The following SAMD12 variants were observed in gnomAD, a reference collection of about 807,000 sequenced individuals.
The protein encoded by SAMD12 is sterile alpha motif domain-containing protein 12.
Under a neutral mutation model 15.0 loss-of-function variants are expected in SAMD12, and 9 were observed. The ratio of observed to expected loss-of-function variants is 0.60; its 90% CI spans 0.36 to 1.05. The LOEUF is 1.05. SAMD12 is among the 50% of genes least tolerant of loss of function. The pLI is 0.01. For missense variants in SAMD12, 230 were observed against 234.2 expected, an observed-to-expected ratio of 0.98 and a Z score of 0.12; for synonymous variants, 86 against 90.1, an observed-to-expected ratio of 0.96 and a Z score of 0.25.
chr8:118,510,229 T>C (rs550362215), intron 2 of SAMD12, among the ~76,000 whole-genome samples: 3 of 151,008 alleles, frequency 2.0e-5, no homozygotes, highest in East Asian at 2.0e-4. Flanking sequence ...CACACACACA[T>C]ACACACAAAC....
At chr8:118,172,144 T>C in the SAMD12 span, among the ~76,000 whole-genome samples, 2 of 152,246 alleles carry the variant, frequency 1.3e-5, no homozygotes, top group African/African-American at 2.4e-5. Context: ...TTAGGAGATA[T>C]ACCTAATGTA....
At chr8:118,483,043 T>C (rs1428058220) in intron 2 of SAMD12, among the ~76,000 whole-genome samples, 1 of 152,166 alleles carries the variant, frequency 6.6e-6, no homozygotes, top group Non-Finnish European at 1.5e-5. Flanking sequence ...TCCATCTCAA[T>C]CTAAAAAAAT....
At chr8:118,452,525 A>T (rs1193314374) in intron 2 of SAMD12, among the ~76,000 whole-genome samples, 1 of 152,208 alleles carries the variant, frequency 6.6e-6, no homozygotes, top group Non-Finnish European at 1.5e-5. Context: ...ACTTTTATTT[A>T]TATAAACTTT....
At chr8:118,300,723 A>G (rs1476216559) in intron 4 of SAMD12, among the ~76,000 whole-genome samples, 1 of 152,216 alleles carries the variant, frequency 6.6e-6, no homozygotes, top group Non-Finnish European at 1.5e-5. Flanking sequence ...TTAGAGTTAA[A>G]GAACTACCAG....
At chr8:118,309,831 A>G (rs996205576) in intron 4 of SAMD12, among the ~76,000 whole-genome samples, 1 of 152,166 alleles carries the variant, frequency 6.6e-6, no homozygotes, top group Non-Finnish European at 1.5e-5. Flanking sequence ...TGTTGCCACA[A>G]TTTATGCTCA....
chr8:118,487,031 C>A (rs1478880139), intron 2 of SAMD12, among the ~76,000 whole-genome samples: 1 of 152,126 alleles, frequency 6.6e-6, no homozygotes, highest in East Asian at 1.9e-4. Flanking sequence ...AGTCAGAGGG[C>A]AGGGAAGTGT....
chr8:118,161,142 C>T, the SAMD12 span, among the ~76,000 whole-genome samples: 1 of 152,254 alleles, frequency 6.6e-6, no homozygotes, highest in East Asian at 1.9e-4. Context: ...TTTATGGCTG[C>T]ATAGTATTCC....
intron 2 of SAMD12, among the ~76,000 whole-genome samples, chr8:118,525,207 T>C (rs530890561): frequency 2.0e-5 from 3 of 152,288 alleles, no homozygotes; most frequent in African/African-American, 7.2e-5. Flanking sequence ...TCTGTTGTGA[T>C]GATTTCTCTC....
chr8:118,423,588 A>G (rs1822111860), intron 3 of SAMD12, among the ~76,000 whole-genome samples: 2 of 152,170 alleles, frequency 1.3e-5, no homozygotes, highest in African/African-American at 2.4e-5. Context: ...TTAGGGTTAT[A>G]AGCATGTCCA....
chr8:118,568,491 C>T (rs1563588792), intron 2 of SAMD12, among the ~76,000 whole-genome samples: 2 of 152,146 alleles, frequency 1.3e-5, no homozygotes, highest in Non-Finnish European at 2.9e-5. Context: ...CTGACTCACA[C>T]ATTAACAAGA....
intron 4 of SAMD12, among the ~76,000 whole-genome samples, chr8:118,339,862 A>G (rs1312435113): frequency 6.6e-6 from 1 of 152,218 alleles, no homozygotes; most frequent in Admixed American, 6.5e-5. Context: ...TCATCTGGGT[A>G]TGGGTGTGAA....
At chr8:118,393,744 A>G (rs182710359) in intron 3 of SAMD12, among the ~76,000 whole-genome samples, 1 of 151,952 alleles carries the variant, frequency 6.6e-6, no homozygotes, top group East Asian at 1.9e-4. Flanking sequence ...GATTACAAGC[A>G]CCCATTATCA....
intron 4 of SAMD12, among the ~76,000 whole-genome samples, chr8:118,261,145 C>T (rs1011592324): frequency 7.9e-5 from 12 of 152,080 alleles, no homozygotes; most frequent in African/African-American, 2.4e-4. Flanking sequence ...TCATCAAAGG[C>T]TCCGATTTCC....
intron 4 of SAMD12, among the ~76,000 whole-genome samples, chr8:118,280,841 T>G (rs1181533923): frequency 6.6e-6 from 1 of 152,152 alleles, no homozygotes; most frequent in Non-Finnish European, 1.5e-5. Context: ...TCTTAATATT[T>G]GCAGGCTACG....
At chr8:118,471,785 A>T (rs1378724053) in intron 2 of SAMD12, among the ~76,000 whole-genome samples, 4 of 152,034 alleles carry the variant, frequency 2.6e-5, no homozygotes, top group African/African-American at 7.2e-5. Flanking sequence ...AGTGGTGGTG[A>T]CCGTGGTGGT....
At chr8:118,365,683 C>G (rs2130654770) in intron 4 of SAMD12, among the ~76,000 whole-genome samples, 1 of 152,144 alleles carries the variant, frequency 6.6e-6, no homozygotes, top group East Asian at 1.9e-4. Flanking sequence ...TCATGCGAGC[C>G]AATTCCCATA....
intron 2 of SAMD12, among the ~76,000 whole-genome samples, chr8:118,560,676 G>A (rs1037561637): frequency 1.3e-4 from 19 of 151,882 alleles, no homozygotes; most frequent in East Asian, 1.9e-4. Context: ...CTTTCATACC[G>A]AATAGTAGGA....
chr8:118,548,829 C>G (rs1045058705), intron 2 of SAMD12, among the ~76,000 whole-genome samples: 1 of 152,244 alleles, frequency 6.6e-6, no homozygotes, highest in African/African-American at 2.4e-5. Flanking sequence ...CACCCACATA[C>G]TGTGCTTTTC....
exon 5 of SAMD12, chr8:118,190,015 T>C (rs1025385492): frequency 2.0e-5 from 3 of 150,616 alleles, no homozygotes; most frequent in African/African-American, 7.3e-5. Context: ...AGGTAATACT[T>C]ATGTAATTAA....
Sources: allele counts gnomAD v4.1 joint callset (sites outside exome capture counted in the v4.1 genomes callset), GRCh38; gene constraint gnomAD v4.1.1; transcripts MANE v1.5; gene names NCBI Gene and HGNC (gene_info 2026-07-23, HGNC 2026-07-21).